The following NRG3 variants were observed in gnomAD, a reference collection of about 807,000 sequenced individuals.
NRG3 encodes the protein neuregulin 3.
In NRG3, 31 loss-of-function variants were observed where a neutral mutation model predicts 66.9. The ratio of observed to expected loss-of-function variants is 0.46; its 90% CI spans 0.35 to 0.63. The LOEUF (loss-of-function observed/expected upper bound fraction) is 0.63. Ranked by LOEUF, NRG3 falls within the 20% of genes least tolerant of loss-of-function variation. NRG3 has a pLI of 0.00. For missense variants in NRG3, 910 were observed against 878.9 expected (o/e 1.04, Z -0.45); for synonymous variants, 393 against 359.4 (o/e 1.09, Z -1.06).
chr10:82,550,386 G>T (rs1279638361), intron 2 of NRG3, among the ~76,000 whole-genome samples: 1 of 152,102 alleles, frequency 6.6e-6, no homozygotes, highest in Non-Finnish European at 1.5e-5. Flanking sequence ...GGAGGGTTCT[G>T]TAACTATCCA....
intron 2 of NRG3, among the ~76,000 whole-genome samples, chr10:82,477,719 T>C (rs1564968173): frequency 6.6e-6 from 1 of 152,284 alleles, no homozygotes; most frequent in East Asian, 1.9e-4. Context: ...TGAAATAATT[T>C]GATGAATGTC....
intron 3 of NRG3, 61 bp downstream of exon 3, chr10:82,738,711 T>A: frequency 7.2e-7 from 1 of 1,393,800 alleles, no homozygotes; most frequent in South Asian, 1.2e-5. Flanking sequence ...TTCTGAGCAA[T>A]GGTTGTTAAC....
At chr10:82,761,235 T>C (rs1488366467) in intron 3 of NRG3, among the ~76,000 whole-genome samples, 1 of 152,046 alleles carries the variant, frequency 6.6e-6, no homozygotes, top group African/African-American at 2.4e-5. Flanking sequence ...TCAAGGCTTA[T>C]CTAAAAACAC....
At chr10:82,828,467 A>G (rs1035844974) in intron 3 of NRG3, among the ~76,000 whole-genome samples, 13 of 152,094 alleles carry the variant, frequency 8.5e-5, no homozygotes, top group African/African-American at 3.1e-4. Context: ...TGTGGCTGGA[A>G]GAGAGGCTAT....
chr10:82,574,928 T>A (rs2045945812), intron 2 of NRG3, among the ~76,000 whole-genome samples: 1 of 151,340 alleles, frequency 6.6e-6, no homozygotes, highest in Admixed American at 6.6e-5. Flanking sequence ...GGCTGAGAGG[T>A]GAGGGGATTG....
At chr10:82,779,047 T>C (rs1051112051) in intron 3 of NRG3, among the ~76,000 whole-genome samples, 4 of 152,020 alleles carry the variant, frequency 2.6e-5, no homozygotes, top group Non-Finnish European at 4.4e-5. Context: ...TGGCTACTTG[T>C]TCCTGGGGCA....
chr10:82,178,385 GC>G (rs2073185252), intron 1 of NRG3, among the ~76,000 whole-genome samples: 1 of 152,064 alleles, frequency 6.6e-6, no homozygotes, highest in East Asian at 1.9e-4. Flanking sequence ...TGCTCGGTTA[GC>G]CCTTTGCCCA....
chr10:82,027,462 T>A (rs1242575481), intron 1 of NRG3, among the ~76,000 whole-genome samples: 1 of 152,108 alleles, frequency 6.6e-6, no homozygotes, highest in Non-Finnish European at 1.5e-5. Context: ...AAAGAATGAA[T>A]TTAAGGCTTA....
chr10:82,766,767 T>C (rs2135128231), intron 3 of NRG3, among the ~76,000 whole-genome samples: 1 of 152,120 alleles, frequency 6.6e-6, no homozygotes, highest in East Asian at 1.9e-4. Context: ...ATCAGTCAGT[T>C]TGACTGATAT....
intron 3 of NRG3, among the ~76,000 whole-genome samples, chr10:82,828,145 T>C (rs2062330196): frequency 6.6e-6 from 1 of 152,040 alleles, no homozygotes; most frequent in East Asian, 1.9e-4. Context: ...GGTACAGTCA[T>C]AGGAGGGTTC....
intron 3 of NRG3, among the ~76,000 whole-genome samples, chr10:82,836,695 CTTTT>C (rs1210390493): frequency 6.6e-6 from 1 of 150,736 alleles, no homozygotes; most frequent in African/African-American, 2.4e-5. Flanking sequence ...GTGCCATTTT[CTTTT>C]TTTATTTTAT....
At chr10:82,025,824 T>A (rs937241738) in intron 1 of NRG3, among the ~76,000 whole-genome samples, 1 of 152,128 alleles carries the variant, frequency 6.6e-6, no homozygotes, top group African/African-American at 2.4e-5. Flanking sequence ...TACTTACTTA[T>A]TTTGGATAGT....
chr10:82,959,030 G>A lies in NRG3; in HGVS notation c.1239G>A (p.Met413Ile), dbSNP rs1850354138. Residue 413 changes from methionine (M) to isoleucine (I), a missense_variant, in exon 6 of 9, where the codon ATG (methionine) becomes ATA (isoleucine). Transcript: ENST00000372141. ...KSYSLKASST[M>I]AKSENLVKSH... ...ACAGTCTCAAAGCATCCAGCACAAT[G>A]GCAAAGTCAGAGAACTTGGTGAAGA... is the stretch of plus-strand genomic sequence containing the variant. The A allele has an allele frequency of 1.9e-6, 3 of 1,606,912 alleles. No homozygotes were observed. The highest frequency in any genetic ancestry group is 2.7e-5 in the African/African-American group (2 of 74,590).
intron 1 of NRG3, among the ~76,000 whole-genome samples, chr10:82,098,384 T>C (rs1030269798): frequency 6.6e-6 from 1 of 151,982 alleles, no homozygotes; most frequent in Non-Finnish European, 1.5e-5. Context: ...GAAATGAGGC[T>C]TTCTGGAGCA....
At chr10:82,937,069 A>G (rs1848142535) in intron 4 of NRG3, among the ~76,000 whole-genome samples, 1 of 152,202 alleles carries the variant, frequency 6.6e-6, no homozygotes, top group African/African-American at 2.4e-5. Context: ...ACCTGAAACT[A>G]ATGAGTTTGA....
chr10:82,318,149 A>C (rs2081386799), intron 1 of NRG3, among the ~76,000 whole-genome samples: 1 of 152,132 alleles, frequency 6.6e-6, no homozygotes. Flanking sequence ...AAACACCTTA[A>C]ATGATCTTGC....
intron 3 of NRG3, among the ~76,000 whole-genome samples, chr10:82,740,124 A>G (rs904486422): frequency 7.5e-6 from 1 of 134,200 alleles, no homozygotes; most frequent in Non-Finnish European, 1.6e-5. Flanking sequence ...GTCTCCTTTA[A>G]TATAATACTT....
intron 2 of NRG3, among the ~76,000 whole-genome samples, chr10:82,362,546 G>GTT (rs1564840125): frequency 1.1e-5 from 1 of 91,286 alleles, no homozygotes; most frequent in Non-Finnish European, 2.3e-5. Context: ...GATAATTTCT[G>GTT]GGTTTTTTTT....
At chr10:82,544,911 C>G (rs750447148) in intron 2 of NRG3, among the ~76,000 whole-genome samples, 6 of 152,152 alleles carry the variant, frequency 3.9e-5, no homozygotes, top group Non-Finnish European at 8.8e-5. Context: ...TCGTACCTAC[C>G]AGCTTCCATT....
Sources: gnomAD v4.1 joint callset for allele counts (sites outside exome capture counted in the v4.1 genomes callset) on GRCh38, gnomAD v4.1.1 for gene constraint, MANE v1.5 for transcripts, NCBI Gene and HGNC (gene_info 2026-07-23, HGNC 2026-07-21) for gene names.